The following C9 variants were observed in gnomAD, a reference collection of about 807,000 sequenced individuals.
C9 encodes complement C9.
In C9, 63 loss-of-function variants were observed where a neutral mutation model predicts 65.4. The observed-to-expected ratio is 0.96, with a 90% CI of 0.79 to 1.19. The LOEUF (loss-of-function observed/expected upper bound fraction) is 1.19, where lower values mean the gene tolerates loss of function less well. C9 is among the 50% of genes most tolerant of loss of function. The pLI is 0.00. For missense variants in C9, 744 were observed against 670.1 expected, an observed-to-expected ratio of 1.11 and a Z score of -1.22; for synonymous variants, 229 against 227.9, an observed-to-expected ratio of 1.00 and a Z score of -0.04.
intron 10 of C9, among the ~76,000 whole-genome samples, chr5:39,287,650 A>G (rs184923718): frequency 6.6e-6 from 1 of 152,208 alleles, no homozygotes; most frequent in African/African-American, 2.4e-5. Context: ...ACCATGAAAG[A>G]GAATGAAATC....
In C9 at chr5:39,342,154, G is replaced by A. The variant is rs1159650579; in HGVS notation, c.120C>T (p.His40=). 6.2e-7 allele frequency: 1 copy of A among 1,608,484 alleles called. No homozygotes were observed. The highest frequency in any genetic ancestry group is 8.5e-7 in the Non-Finnish European group (1 of 1,174,996). The part of the protein sequence containing the change: ...ELTESSGSAS[H]IDCRMSPWSE... The stretch of plus-strand genomic sequence containing the variant: ...TCCAGGGGCTCATTCTGCAGTCTAT[G>A]TGTGATGCAGAGCCACTGCTTTCTG... Residue 40 remains histidine, a synonymous_variant, in exon 2 of 11, where the codon CAC becomes CAT. Coordinates refer to ENST00000263408, the MANE Select transcript of C9 (RefSeq NM_001737.5).
At chr5:39,333,106 C>T (rs1194014684) in intron 4 of C9, among the ~76,000 whole-genome samples, 2 of 152,082 alleles carry the variant, frequency 1.3e-5, no homozygotes, top group African/African-American at 4.8e-5. Context: ...AAAAATTAGA[C>T]CTATTAATTT....
chr5:39,353,770 G>T (rs545616909), intron 1 of C9, among the ~76,000 whole-genome samples: 1 of 152,192 alleles, frequency 6.6e-6, no homozygotes, highest in East Asian at 1.9e-4. Flanking sequence ...TTACATTTTA[G>T]CTAAAAATAC....
intron 5 of C9, among the ~76,000 whole-genome samples, chr5:39,317,231 T>C (rs185155350): frequency 5.3e-5 from 8 of 149,690 alleles, no homozygotes; most frequent in African/African-American, 1.5e-4. Context: ...AAGTTCCTCA[T>C]AGACTCTGGA....
intron 1 of C9, among the ~76,000 whole-genome samples, chr5:39,358,700 AC>A (rs1754452596): frequency 6.6e-6 from 1 of 151,938 alleles, no homozygotes; most frequent in Non-Finnish European, 1.5e-5. Flanking sequence ...TAAAGATAGT[AC>A]CGGGCCGGGC....
At chr5:39,349,007 A>C (rs1184859728) in intron 1 of C9, among the ~76,000 whole-genome samples, 1 of 63,144 alleles carries the variant, frequency 1.6e-5, no homozygotes. Context: ...AACATCACAC[A>C]CTGGGGCATG....
At chr5:39,340,834 T>C (rs1442098263) in intron 4 of C9, among the ~76,000 whole-genome samples, 1 of 152,208 alleles carries the variant, frequency 6.6e-6, no homozygotes, top group Non-Finnish European at 1.5e-5. Context: ...CATGTCAATG[T>C]TGCTGTGGTC....
chr5:39,321,817 T>C (rs970468285), intron 5 of C9, among the ~76,000 whole-genome samples: 2 of 152,076 alleles, frequency 1.3e-5, no homozygotes, highest in East Asian at 3.8e-4. Context: ...TATTTAAATT[T>C]CTAGACACCC....
At chr5:39,333,765 C>G (rs1048534739) in intron 4 of C9, among the ~76,000 whole-genome samples, 1 of 152,010 alleles carries the variant, frequency 6.6e-6, no homozygotes, top group Non-Finnish European at 1.5e-5. Flanking sequence ...GCGCGCACCG[C>G]CACGCCTGAC....
intron 6 of C9, among the ~76,000 whole-genome samples, chr5:39,314,651 C>T (rs1047273026): frequency 6.6e-6 from 1 of 152,038 alleles, no homozygotes; most frequent in African/African-American, 2.4e-5. Flanking sequence ...ACATTAGAGA[C>T]TTCTCTAACA....
intron 1 of C9, among the ~76,000 whole-genome samples, chr5:39,352,660 T>A (rs1225229691): frequency 6.6e-6 from 1 of 152,192 alleles, no homozygotes; most frequent in Non-Finnish European, 1.5e-5. Flanking sequence ...CTCTTTCAGA[T>A]GTTTTTCTTG....
intron 5 of C9, among the ~76,000 whole-genome samples, chr5:39,325,345 C>A (rs1753729772): frequency 1.3e-5 from 2 of 152,112 alleles, no homozygotes; most frequent in South Asian, 4.1e-4. Flanking sequence ...ATAACAAGTA[C>A]AATCCATCTC....
intron 4 of C9, among the ~76,000 whole-genome samples, chr5:39,334,856 G>A (rs1460870599): frequency 6.6e-6 from 1 of 152,214 alleles, no homozygotes; most frequent in South Asian, 2.1e-4. Context: ...GATGGCAATG[G>A]CAGTTTTGTG....
At chr5:39,285,785 G>A (rs1254661030) in intron 10 of C9, among the ~76,000 whole-genome samples, 2 of 151,334 alleles carry the variant, frequency 1.3e-5, no homozygotes, top group African/African-American at 2.4e-5. Flanking sequence ...GAGTAGAAAC[G>A]CACACAAGGA....
intron 8 of C9, 76 bp downstream of exon 8, chr5:39,308,154 C>A (rs1753412980): frequency 7.8e-7 from 1 of 1,285,386 alleles, no homozygotes. Flanking sequence ...ATTAAGAGGG[C>A]TCATTGCAAG....
intron 4 of C9, among the ~76,000 whole-genome samples, chr5:39,334,254 C>T (rs1753908622): frequency 1.3e-5 from 2 of 151,340 alleles, no homozygotes; most frequent in African/African-American, 4.9e-5. Flanking sequence ...GGGAGCGCCT[C>T]AGCCCTGCCG....
intron 10 of C9, among the ~76,000 whole-genome samples, chr5:39,288,337 A>G (rs1442291100): frequency 6.6e-6 from 1 of 151,802 alleles, no homozygotes; most frequent in African/African-American, 2.4e-5. Context: ...GTTTTAAAGT[A>G]TATATGTCTA....
intron 9 of C9, among the ~76,000 whole-genome samples, chr5:39,298,499 C>A (rs983751131): frequency 3.3e-5 from 5 of 151,662 alleles, no homozygotes; most frequent in African/African-American, 1.2e-4. Context: ...AATCTACAGA[C>A]ATCAGCTGCT....
At chr5:39,290,413 A>G (rs1413543890) in intron 9 of C9, among the ~76,000 whole-genome samples, 1 of 151,690 alleles carries the variant, frequency 6.6e-6, no homozygotes, top group African/African-American at 2.4e-5. Flanking sequence ...ACAAGAGACC[A>G]CAAAACTTAA....
Sources: allele counts gnomAD v4.1 joint callset (sites outside exome capture counted in the v4.1 genomes callset), GRCh38; gene constraint gnomAD v4.1.1; transcripts MANE v1.5; gene names NCBI Gene and HGNC (gene_info 2026-07-23, HGNC 2026-07-21).